NBPF19: variants seen among roughly 807,000 people sequenced by gnomAD.
NBPF19 encodes NBPF family member NBPF19.
Under a neutral mutation model 45.9 loss-of-function variants are expected in NBPF19, and 30 were observed. The ratio of observed to expected loss-of-function variants is 0.65; its 90% CI spans 0.49 to 0.89. The LOEUF (loss-of-function observed/expected upper bound fraction) is 0.89, where lower values mean the gene tolerates loss of function less well. Among genes scored for constraint, NBPF19 ranks in the 40% least tolerant of loss-of-function variants. NBPF19 has a pLI of 0.00. For synonymous variants in NBPF19, 183 were observed against 181.2 expected (o/e 1.01, Z -0.08); for missense variants, 495 against 471.8 (o/e 1.05, Z -0.46).
At position 149,475,548 on chromosome 1, in the gene NBPF19, G is replaced by A; in HGVS notation, c.-283G>A. The A allele has an allele frequency of 1.2e-6, 1 of 805,456 alleles. No homozygotes were observed. The highest frequency in any genetic ancestry group is 2.5e-5 in the Admixed American group (1 of 40,216). 49.9% of individuals were successfully genotyped at this position (805,456 alleles called of 1,614,324 possible). On this transcript the variant is annotated 5_prime_UTR_variant, in exon 1 of 94. Coordinates refer to ENST00000651566, the MANE Select transcript of NBPF19 (RefSeq NM_001351365.2). ...GGTGACCCTCAGGTGAAAGTAGGGT[G>A]CCTGTGTTTCAGCAAAGCCTGGGCA...
Position 149,538,705 on chromosome 1 carries a change from A to G in NBPF19, c.8840A>G (p.Glu2947Gly). Reference sequence around the variant, plus strand: ...AGCAGGGAGCTGCTGGAGGTAGTAGAGCCTGAAGTCTTGCAGGACTCACTG... The same window carrying G: ...AGCAGGGAGCTGCTGGAGGTAGTAGGGCCTGAAGTCTTGCAGGACTCACTG... ...RLSRELLEVVEPEVLQDSLDR... is the reference protein window; with the variant it reads ...RLSRELLEVVGPEVLQDSLDR... Residue 2947 changes from glutamate to glycine, a missense_variant, in exon 74 of 94, where the codon GAG becomes GGG. Glu to Gly is a moderately conservative substitution (Grantham distance 98, BLOSUM62 -2). Around this residue, in one of 8 missense-constraint regions of NBPF19, gnomAD observed 248 missense variants for 95.4 expected, o/e 2.60. Coordinates refer to ENST00000651566, the MANE Select transcript of NBPF19 (RefSeq NM_001351365.2). 3.7e-5 allele frequency: 1 copy of G among 26,936 alleles called. No homozygotes were observed. Among genetic ancestry groups the G allele is most frequent in the East Asian group, 1.3e-3 (1 of 746 alleles). The allele number at this position is 26,936 out of a possible 1,614,324, so 1.7% of individuals were successfully genotyped here.
Position 149,554,875 on chromosome 1 carries a change from C to G in NBPF19, c.*137C>G, listed in dbSNP as rs1378595544. 14 of 1,477,504 alleles carry G rather than the reference C, an allele frequency of 9.5e-6. No individual in the cohort carries two copies. The African/African-American group carries it at 1.3e-4, about 13-fold the overall frequency. The allele number at this position is 1,477,504 out of a possible 1,614,324, so 91.5% of individuals were successfully genotyped here. ...GTGGGCATGGCTCTTTTCCTATTCT[C>G]AAACCATGCCAGTGGCAACCTGTGC... On this transcript the variant is annotated 3_prime_UTR_variant, in exon 94 of 94. Coordinates refer to ENST00000651566, the MANE Select transcript of NBPF19 (RefSeq NM_001351365.2).
rs2086006074 is a variant in NBPF19 at position 149,494,368 on chromosome 1, C to A, written c.2048C>A (p.Ser683Ter). The A allele has an allele frequency of 3.1e-6, 1 of 326,520 alleles. No individual in the cohort carries two copies. The highest frequency in any genetic ancestry group is 5.2e-6 in the Non-Finnish European group (1 of 193,970). 20.2% of individuals were successfully genotyped at this position (326,520 alleles called of 1,614,324 possible). A position where few individuals can be genotyped will look rare whatever the true frequency, so the allele number is the denominator to read the frequency against. The change falls in exon 18 of 94, where the codon TCA becomes TAA. Residue 683 changes from serine to a stop codon, truncating the protein, a stop_gained. Transcript: ENST00000651566. LOFTEE classifies it high-confidence loss of function. ...DEKEPEVLQD[S>*]LDRCYSIPSG... is the part of the protein sequence containing the mutation. ...AAAGAGCCTGAAGTCTTGCAGGACTCACTGGATAGATGTTATTCGATTCCT... is the reference window on the plus strand; with the variant it reads ...AAAGAGCCTGAAGTCTTGCAGGACTAACTGGATAGATGTTATTCGATTCCT...
rs1439688841 is a variant in NBPF19 at position 149,556,122 on chromosome 1, G to A, written c.*1384G>A. The A allele has an allele frequency of 2.0e-5, 3 of 147,736 alleles. No individual in the cohort carries two copies. Among genetic ancestry groups the A allele is most frequent in the South Asian group, 2.2e-4 (1 of 4,508 alleles). 9.2% of individuals were successfully genotyped at this position (147,736 alleles called of 1,614,324 possible). A position where few individuals can be genotyped will look rare whatever the true frequency, so the allele number is the denominator to read the frequency against. ...TTCATATCTCTACGCTGCAAAATTT[G>A]GGTCTCAATTTTTACTGTGCCTTTG... On this transcript the variant is annotated 3_prime_UTR_variant, in exon 94 of 94. Transcript: ENST00000651566.
Position 149,478,829 on chromosome 1 carries a change from G to A in NBPF19, c.279-51G>A, listed in dbSNP as rs1371437389. 52 of 1,422,086 alleles carry A rather than the reference G, an allele frequency of 3.7e-5. 3 individuals carry two copies. The highest frequency in any genetic ancestry group is 1.8e-4 in the East Asian group (8 of 43,926). 88.1% of individuals were successfully genotyped at this position (1,422,086 alleles called of 1,614,324 possible). A position where few individuals can be genotyped will look rare whatever the true frequency, so the allele number is the denominator to read the frequency against. Reference sequence around the variant, plus strand: ...GAAGTCTCTGTTGCAATATTTGAACGGATCACTCAACCCTTTCTACTCTTA... The same window carrying A: ...GAAGTCTCTGTTGCAATATTTGAACAGATCACTCAACCCTTTCTACTCTTA... On this transcript the variant is annotated intron_variant, in intron 3 of 93. Coordinates refer to ENST00000651566, the MANE Select transcript of NBPF19 (RefSeq NM_001351365.2).
Position 149,554,844 on chromosome 1 carries a change from G to C in NBPF19, c.*106G>C. The C allele has an allele frequency of 6.4e-7, 1 of 1,564,138 alleles. No individual in the cohort carries two copies. Among genetic ancestry groups the C allele is most frequent in the Non-Finnish European group, 8.7e-7 (1 of 1,148,202 alleles). On this transcript the variant is annotated 3_prime_UTR_variant, in exon 94 of 94. Transcript: ENST00000651566. Reference sequence around the variant, plus strand: ...CCATTTGGAAGCCCAGACATAGGATGGGTCAGTGGGCATGGCTCTTTTCCT... The same window carrying C: ...CCATTTGGAAGCCCAGACATAGGATCGGTCAGTGGGCATGGCTCTTTTCCT...
chr1:149,483,662 C>T lies in NBPF19; in HGVS notation c.824+1436C>T, dbSNP rs2085342273. ...ACAGTTTGGCATGTTTTTGCAGTGG[C>T]TGGTACCGGTTGTTCCTTTCCATGT... On this transcript the variant is annotated intron_variant, in intron 7 of 93. Coordinates refer to ENST00000651566, the MANE Select transcript of NBPF19 (RefSeq NM_001351365.2). 2.1e-5 allele frequency among the ~76,000 whole-genome samples: 3 copies of T among 144,228 alleles called. No individual in the cohort carries two copies. In the South Asian group the frequency reaches 6.7e-4, roughly 32 times the overall value. 94.6% of individuals were successfully genotyped at this position (144,228 alleles called of 152,430 possible). A position where few individuals can be genotyped will look rare whatever the true frequency, so the allele number is the denominator to read the frequency against.
chr1:149,484,490 G>A (rs1438644255), intron 7 of NBPF19, among the ~76,000 whole-genome samples: 6 of 143,716 alleles, frequency 4.2e-5, no homozygotes, highest in East Asian at 2.2e-4. Flanking sequence ...AAGACTTAAA[G>A]TATTAAAAAA....
chr1:149,487,558 T>C (rs2085629430), intron 9 of NBPF19, among the ~76,000 whole-genome samples, 175 bp downstream of exon 9: 1 of 151,250 alleles, frequency 6.6e-6, no homozygotes, highest in South Asian at 2.1e-4. Context: ...TTCCATTTCT[T>C]CCTACCCTTA....
At chr1:149,487,474 T>A (rs1353088866) in intron 9 of NBPF19, 91 bp downstream of exon 9, 2 of 982,868 alleles carry the variant, frequency 2.0e-6, no homozygotes, top group Non-Finnish European at 3.2e-6. Flanking sequence ...AAATAATGAT[T>A]TTGTCTTGTC....
intron 51 of NBPF19, among the ~76,000 whole-genome samples, chr1:149,521,086 G>GTC (rs1332010239): frequency 5.1e-5 from 4 of 78,746 alleles, no homozygotes; most frequent in South Asian, 3.5e-4. Context: ...CTCTGTCTCT[G>GTC]TCTCTCTCTC....
intron 61 of NBPF19, among the ~76,000 whole-genome samples, chr1:149,528,891 T>C (rs1482988921): frequency 4.9e-5 from 6 of 123,412 alleles, no homozygotes; most frequent in Non-Finnish European, 1.0e-4. Flanking sequence ...GAGTGTCCTG[T>C]TACTCCCTCA....
At position 149,488,190 on chromosome 1, in the gene NBPF19, G is replaced by T; in HGVS notation, c.1213+5G>T. 3.2e-6 allele frequency: 2 copies of T among 632,776 alleles called. No individual in the cohort carries two copies. The allele number at this position is 632,776 out of a possible 1,614,324, so 39.2% of individuals were successfully genotyped here. On this transcript the variant is annotated splice_donor_5th_base_variant and intron_variant, in intron 10 of 93. Coordinates refer to ENST00000651566, the MANE Select transcript of NBPF19 (RefSeq NM_001351365.2). ...GCTTGGCTATTGACATGGATGGTGAGTACCTTTCTATGAAGGTGATAAGGA... is the reference window on the plus strand; with the variant it reads ...GCTTGGCTATTGACATGGATGGTGATTACCTTTCTATGAAGGTGATAAGGA...
chr1:149,487,568 A>C (rs2085632081), intron 9 of NBPF19, among the ~76,000 whole-genome samples, 185 bp downstream of exon 9: 1 of 150,846 alleles, frequency 6.6e-6, no homozygotes, highest in Non-Finnish European at 1.5e-5. Flanking sequence ...TCCTACCCTT[A>C]TCATTTACTA....
At position 149,554,603 on chromosome 1, in the gene NBPF19, G is replaced by T; in HGVS notation, c.11397G>T (p.Gln3799His). The T allele has an allele frequency of 1.2e-6, 2 of 1,608,274 alleles. No homozygotes were observed. The highest frequency in any genetic ancestry group is 1.7e-5 in the Admixed American group (1 of 59,870). ...SMYFELPDSF[Q>H]HYRSVFYSFE... The stretch of plus-strand genomic sequence containing the variant: ...ACTTTGAACTACCTGACTCATTCCA[G>T]CACTACAGAAGTGTGTTTTACTCAT... The change falls in exon 94 of 94, where the codon CAG becomes CAT. Residue 3799 changes from glutamine (Q) to histidine (H), a missense_variant. Around this residue, in one of 8 missense-constraint regions of NBPF19, gnomAD observed 248 missense variants for 95.4 expected, o/e 2.60. Coordinates refer to ENST00000651566, the MANE Select transcript of NBPF19 (RefSeq NM_001351365.2).
intron 61 of NBPF19, among the ~76,000 whole-genome samples, 198 bp from the exon 62 acceptor site, chr1:149,528,976 T>A (rs1490805527): frequency 7.6e-6 from 1 of 131,242 alleles, no homozygotes. Flanking sequence ...TGTGTGTGTG[T>A]CTATCTGTCT....
Position 149,476,107 on chromosome 1 carries a change from AG to A in NBPF19, c.175+1del, listed in dbSNP as rs1488489407. On this transcript the variant is annotated splice_donor_variant, in intron 2 of 93. Coordinates refer to ENST00000651566, the MANE Select transcript of NBPF19 (RefSeq NM_001351365.2). LOFTEE classifies it high-confidence loss of function. The stretch of plus-strand genomic sequence containing the variant: ...CCTGGCCAACCGACAGAAGAAATAC[AG>A]TAAGATCTATAGGCTCACCATCATG... The A allele has an allele frequency of 6.5e-7, 1 of 1,531,460 alleles. No homozygotes were observed. The highest frequency in any genetic ancestry group is 9.0e-7 in the Non-Finnish European group (1 of 1,107,102). The allele number at this position is 1,531,460 out of a possible 1,614,324, so 94.9% of individuals were successfully genotyped here.
intron 4 of NBPF19, 86 bp from the exon 5 acceptor site, chr1:149,480,056 G>A (rs2085082572): frequency 3.2e-6 from 2 of 624,112 alleles, no homozygotes; most frequent in South Asian, 1.9e-5. Context: ...ATGCCTAGAT[G>A]TTCATGTCTC....
At chr1:149,554,323 C>G (rs1213658415) in intron 93 of NBPF19, among the ~76,000 whole-genome samples, 172 bp from the exon 94 acceptor site, 1 of 151,828 alleles carries the variant, frequency 6.6e-6, no homozygotes, top group Admixed American at 6.6e-5. Context: ...TTGTTTTCTA[C>G]CTGGCCCTGT....
Sources: allele counts gnomAD v4.1 joint callset (sites outside exome capture counted in the v4.1 genomes callset), GRCh38; gene constraint gnomAD v4.1.1; regional missense constraint gnomAD v4.1.1; transcripts MANE v1.5; gene names NCBI Gene and HGNC (gene_info 2026-07-23, HGNC 2026-07-21).